The following RBM34 variants were observed in gnomAD, a reference collection of about 807,000 sequenced individuals.
The protein encoded by RBM34 is RNA-binding protein 34.
RBM34 carries 39 observed loss-of-function variants against 44.6 expected under a neutral mutation model. The ratio of observed to expected loss-of-function variants is 0.87; its 90% confidence interval spans 0.68 to 1.14. RBM34 has a LOEUF of 1.14. Ranked by LOEUF, RBM34 falls within the 50% of genes most tolerant of loss-of-function variation. The probability of loss-of-function intolerance (pLI) is 0.00; values close to 1 mark genes in which losing one functional copy is unlikely to be tolerated. For synonymous variants in RBM34, 194 were observed against 184.0 expected, an observed-to-expected ratio of 1.05 and a Z score of -0.44; for missense variants, 572 against 517.9, an observed-to-expected ratio of 1.10 and a Z score of -1.01.
chr1:235,142,529 T>C (rs1320704220), intron 6 of RBM34, among the ~76,000 whole-genome samples: 2 of 151,660 alleles, frequency 1.3e-5, no homozygotes, highest in African/African-American at 2.4e-5. Flanking sequence ...TCCGCCCACC[T>C]TGACCTCCCA....
chr1:235,144,879 T>C (rs564162214), intron 6 of RBM34, among the ~76,000 whole-genome samples: 1 of 152,222 alleles, frequency 6.6e-6, no homozygotes, highest in South Asian at 2.1e-4. Context: ...ACCCCGTCTC[T>C]ACTAAAAATA....
intron 6 of RBM34, among the ~76,000 whole-genome samples, chr1:235,146,241 C>T (rs190245205): frequency 2.3e-3 from 351 of 152,096 alleles, no homozygotes; most frequent in African/African-American, 8.3e-3. Flanking sequence ...CCACTGCACC[C>T]GGCCTTCAGC....
Position 235,161,248 on chromosome 1 carries a change from A to G in RBM34, c.-22T>C, listed in dbSNP as rs777402396. ...CCATTCTTACTCCAAAGACTCCCAGACTGCAGCTGCGCGCCAGCTCGCACT... is the reference window on the plus strand; with the variant it reads ...CCATTCTTACTCCAAAGACTCCCAGGCTGCAGCTGCGCGCCAGCTCGCACT... On this transcript the variant is annotated 5_prime_UTR_variant, in exon 1 of 11. Coordinates refer to ENST00000408888, the MANE Select transcript of RBM34 (RefSeq NM_015014.4). 4 of 1,613,126 alleles carry G rather than the reference A, an allele frequency of 2.5e-6. No individual in the cohort carries two copies. In the African/African-American group the frequency reaches 4.0e-5, roughly 16 times the overall value.
At chr1:235,155,487 G>A (rs1244574009) in intron 3 of RBM34, among the ~76,000 whole-genome samples, 15 of 146,384 alleles carry the variant, frequency 1.0e-4, no homozygotes, top group African/African-American at 3.5e-4. Context: ...GACCACAGGC[G>A]CATGCCCCCA....
chr1:235,148,788 T>C (rs562723053), intron 5 of RBM34, among the ~76,000 whole-genome samples: 11 of 151,990 alleles, frequency 7.2e-5, no homozygotes, highest in East Asian at 2.0e-4. Flanking sequence ...TTAGTAGAGA[T>C]GCGGTTTCAT....
intron 6 of RBM34, among the ~76,000 whole-genome samples, 157 bp from the exon 7 acceptor site, chr1:235,138,331 A>G (rs1055680027): frequency 6.6e-6 from 1 of 152,110 alleles, no homozygotes; most frequent in Non-Finnish European, 1.5e-5. Flanking sequence ...AATATTTAGT[A>G]ATAACTCAAA....
intron 9 of RBM34, 90 bp downstream of exon 9, chr1:235,135,944 C>T: frequency 1.5e-6 from 2 of 1,309,804 alleles, no homozygotes; most frequent in South Asian, 1.4e-5. Context: ...TAAAATTAGT[C>T]TTAAATCAAA....
intron 5 of RBM34, 120 bp downstream of exon 5, chr1:235,152,586 T>A (rs1558146953): frequency 1.4e-6 from 2 of 1,471,282 alleles, no homozygotes; most frequent in African/African-American, 1.5e-5. Flanking sequence ...TGGGTTAAAT[T>A]TGAACCTATT....
intron 6 of RBM34, among the ~76,000 whole-genome samples, chr1:235,141,239 G>A (rs1187072730): frequency 1.4e-5 from 2 of 146,778 alleles, no homozygotes; most frequent in Non-Finnish European, 3.0e-5. Context: ...CTAGCTCAGG[G>A]GTTGTAAATA....
intron 6 of RBM34, among the ~76,000 whole-genome samples, chr1:235,139,774 G>C (rs577339886): frequency 6.6e-6 from 1 of 152,204 alleles, no homozygotes; most frequent in Non-Finnish European, 1.5e-5. Flanking sequence ...AGAAGCTAAG[G>C]ACAGGCCTGC....
At chr1:235,138,542 GA>G (rs1271419925) in intron 6 of RBM34, among the ~76,000 whole-genome samples, 1 of 152,136 alleles carries the variant, frequency 6.6e-6, no homozygotes, top group African/African-American at 2.4e-5. Flanking sequence ...TCTTTACTGT[GA>G]AACACCCATA....
chr1:235,156,382 G>C (rs1242919585), intron 3 of RBM34, among the ~76,000 whole-genome samples: 1 of 152,106 alleles, frequency 6.6e-6, no homozygotes, highest in Non-Finnish European at 1.5e-5. Context: ...TACAAAAGCT[G>C]ATTCACTTAA....
intron 8 of RBM34, among the ~76,000 whole-genome samples, chr1:235,136,518 T>C (rs1011070896): frequency 2.0e-5 from 3 of 152,230 alleles, no homozygotes; most frequent in African/African-American, 4.8e-5. Flanking sequence ...AAGCAGCACG[T>C]AGATTTGGCT....
At chr1:235,140,117 C>T (rs982557402) in intron 6 of RBM34, among the ~76,000 whole-genome samples, 4 of 152,364 alleles carry the variant, frequency 2.6e-5, no homozygotes, top group African/African-American at 7.2e-5. Context: ...GAGGTGACAG[C>T]GTGCTGGCAG....
At chr1:235,150,044 C>T (rs892577123) in intron 5 of RBM34, among the ~76,000 whole-genome samples, 1 of 152,098 alleles carries the variant, frequency 6.6e-6, no homozygotes, top group Non-Finnish European at 1.5e-5. Context: ...TTCTGTACAG[C>T]GTCTACGTCC....
chr1:235,136,086 G>A lies in RBM34; in HGVS notation c.850-13C>T. 6.3e-7 allele frequency: 1 copy of A among 1,594,158 alleles called. No individual in the cohort carries two copies. The highest frequency in any genetic ancestry group is 8.6e-7 in the Non-Finnish European group (1 of 1,165,488). ...ATCTCTTGTCTCTCTGAAACAAAAA[G>A]ACAGTTAATAAAAATCACTCACTAG... On this transcript the variant is annotated splice_polypyrimidine_tract_variant and intron_variant, in intron 8 of 10. Coordinates refer to ENST00000408888, the MANE Select transcript of RBM34 (RefSeq NM_015014.4).
chr1:235,151,057 G>A (rs952042775), intron 5 of RBM34, among the ~76,000 whole-genome samples: 1 of 152,196 alleles, frequency 6.6e-6, no homozygotes, highest in African/African-American at 2.4e-5. Context: ...ATTAGAGGAA[G>A]ACTGAAGGTA....
intron 2 of RBM34, 108 bp from the exon 3 acceptor site, chr1:235,160,755 G>GT: frequency 1.3e-6 from 2 of 1,509,748 alleles, no homozygotes; most frequent in Non-Finnish European, 1.8e-6. Flanking sequence ...TCACTGGTAT[G>GT]TAAGAGTCAT....
At chr1:235,159,823 C>T (rs985688273) in intron 3 of RBM34, among the ~76,000 whole-genome samples, 1 of 145,790 alleles carries the variant, frequency 6.9e-6, no homozygotes, top group African/African-American at 2.6e-5. Context: ...GAGCTGAGAT[C>T]AGGCCACTGC....
Sources: gnomAD v4.1 joint callset for allele counts (sites outside exome capture counted in the v4.1 genomes callset) on GRCh38, gnomAD v4.1.1 for gene constraint, MANE v1.5 for transcripts, NCBI Gene and HGNC (gene_info 2026-07-23, HGNC 2026-07-21) for gene names.